The following DAB2IP variants were observed in gnomAD, a reference collection of about 807,000 sequenced individuals.
DAB2IP encodes the protein DAB2 interacting protein.
A neutral mutation model predicts 107.2 loss-of-function variants in DAB2IP; 28 were observed. That is an observed-to-expected ratio of 0.26 (90% CI 0.19 to 0.36). The LOEUF (loss-of-function observed/expected upper bound fraction) is 0.36, where lower values mean the gene tolerates loss of function less well. DAB2IP is among the 10% of genes least tolerant of loss of function. The pLI is 1.00. For synonymous variants in DAB2IP, 755 were observed against 706.4 expected (o/e 1.07, Z -1.09); for missense variants, 1,400 against 1,644.7 (o/e 0.85, Z 2.57).
rs34167414 is a variant in DAB2IP at position 121,635,906 on chromosome 9, T to TGG, written c.41-42764_41-42763dup. ...CAGTCCCCTGTTTAGATGTCTTTTT[T>TGG]GGGGGGGGGTCTGGGGGATGGAGTC... On this transcript the variant is annotated intron_variant, in intron 1 of 16. Transcript: ENST00000259371. This position sits in a 1 kb window ranked among gnomAD's most constrained non-coding sequence, Gnocchi z 4.3. 5.5e-5 allele frequency among the ~76,000 whole-genome samples: 8 copies of TGG among 145,686 alleles called. No homozygotes were observed. The highest frequency in any genetic ancestry group is 2.0e-4 in the African/African-American group (8 of 39,898).
intron 12 of DAB2IP, 94 bp downstream of exon 12, chr9:121,773,589 C>T (rs1834942474): frequency 3.8e-6 from 5 of 1,315,234 alleles, no homozygotes; most frequent in Non-Finnish European, 4.8e-6. Flanking sequence ...GTCATTTCAC[C>T]TCCACCCTCA....
At chr9:121,640,362 G>T (rs890140155) in intron 1 of DAB2IP, among the ~76,000 whole-genome samples, 5 of 129,686 alleles carry the variant, frequency 3.9e-5, no homozygotes, top group African/African-American at 2.4e-4. Flanking sequence ...CCTGTGTCAG[G>T]GGGGCGACAA....
intron 1 of DAB2IP, among the ~76,000 whole-genome samples, chr9:121,627,844 A>G (rs1038997745): frequency 2.5e-4 from 38 of 152,308 alleles, no homozygotes; most frequent in African/African-American, 8.4e-4. Flanking sequence ...TCAGTAAGAT[A>G]TTTGGACACA....
rs372446549 is a variant in DAB2IP at position 121,608,540 on chromosome 9, T to TG, written c.40+41319dup. ...GACTGTAACTGGTTGGAGCAGGAGT[T>TG]GGGGGGGTAAGGTAGTGATGGGAAT... is the stretch of plus-strand genomic sequence containing the variant. On this transcript the variant is annotated intron_variant, in intron 1 of 16. Transcript: ENST00000259371. Among the ~76,000 whole-genome samples the TG allele has an allele frequency of 4.6e-3, 697 of 151,932 alleles. 4 individuals are homozygous for TG. The highest frequency in any genetic ancestry group is 9.8e-3 in the Admixed American group (149 of 15,244).
intron 3 of DAB2IP, among the ~76,000 whole-genome samples, chr9:121,745,842 G>A (rs879366668): frequency 2.2e-4 from 34 of 152,334 alleles, no homozygotes; most frequent in African/African-American, 7.9e-4. Flanking sequence ...CAAGGAGGGA[G>A]CCTCTGTCCC....
chr9:121,693,743 G>C (rs1027085068), intron 2 of DAB2IP, among the ~76,000 whole-genome samples: 5 of 152,238 alleles, frequency 3.3e-5, no homozygotes, highest in African/African-American at 1.2e-4. Flanking sequence ...GTTGAAAGGG[G>C]AGAGGGTGAT....
At chr9:121,595,480 G>A (rs1830510826) in intron 1 of DAB2IP, among the ~76,000 whole-genome samples, 1 of 151,972 alleles carries the variant, frequency 6.6e-6, no homozygotes, top group Non-Finnish European at 1.5e-5. Context: ...GCGTGTGCCT[G>A]TAGTCCTAGC....
At chr9:121,694,582 C>G (rs965624222) in intron 2 of DAB2IP, among the ~76,000 whole-genome samples, 21 of 152,068 alleles carry the variant, frequency 1.4e-4, no homozygotes, top group Admixed American at 3.3e-4. Context: ...GGCCAGATGT[C>G]AGGATGGTGG....
intron 1 of DAB2IP, among the ~76,000 whole-genome samples, chr9:121,617,875 G>A (rs1284478203): frequency 6.6e-6 from 1 of 152,068 alleles, no homozygotes; most frequent in Non-Finnish European, 1.5e-5. Flanking sequence ...CACGTGGGAG[G>A]GGAGCCGGTT....
intron 3 of DAB2IP, among the ~76,000 whole-genome samples, chr9:121,710,720 G>A (rs1830300736): frequency 6.6e-6 from 1 of 152,196 alleles, no homozygotes; most frequent in Non-Finnish European, 1.5e-5. Flanking sequence ...CAAACAGGGT[G>A]ATGATGATGG....
At chr9:121,777,906 A>C (rs1835317396) in intron 14 of DAB2IP, among the ~76,000 whole-genome samples, 1 of 152,214 alleles carries the variant, frequency 6.6e-6, no homozygotes, top group Non-Finnish European at 1.5e-5. Context: ...CTTTGCTCTG[A>C]AATCTGCCTT....
chr9:121,732,774 C>T (rs1831622312), intron 3 of DAB2IP, among the ~76,000 whole-genome samples: 1 of 152,200 alleles, frequency 6.6e-6, no homozygotes, highest in Admixed American at 6.5e-5. Context: ...GCTTGGGCAA[C>T]TTTTCCAACC....
At chr9:121,631,830 A>G (rs1260527224) in intron 1 of DAB2IP, among the ~76,000 whole-genome samples, 2 of 151,062 alleles carry the variant, frequency 1.3e-5, no homozygotes, top group African/African-American at 4.8e-5. Context: ...AAAAAAAAAA[A>G]AAAAAAAAAG....
chr9:121,725,956 G>C (rs979053260), intron 3 of DAB2IP, among the ~76,000 whole-genome samples: 5 of 152,290 alleles, frequency 3.3e-5, no homozygotes, highest in African/African-American at 1.2e-4. Flanking sequence ...GTGTGGAAAG[G>C]TGTGACACTG....
At chr9:121,765,303 T>G (rs534493342) in intron 8 of DAB2IP, among the ~76,000 whole-genome samples, 18 of 152,294 alleles carry the variant, frequency 1.2e-4, no homozygotes, top group African/African-American at 4.3e-4. Context: ...CAGAGGCACC[T>G]CTCCATTCTG....
At chr9:121,713,062 C>A (rs1426516874) in intron 3 of DAB2IP, among the ~76,000 whole-genome samples, 1 of 152,210 alleles carries the variant, frequency 6.6e-6, no homozygotes, top group Non-Finnish European at 1.5e-5. Flanking sequence ...CCCCAGGCAG[C>A]ATTTATGTGG....
chr9:121,732,677 A>C (rs116194715), intron 3 of DAB2IP, among the ~76,000 whole-genome samples: 2 of 152,150 alleles, frequency 1.3e-5, no homozygotes, highest in Non-Finnish European at 2.9e-5. Context: ...AGTGTTGAAC[A>C]CTGGCAGCTC....
intron 4 of DAB2IP, among the ~76,000 whole-genome samples, chr9:121,758,216 T>A (rs1424926557): frequency 1.3e-5 from 2 of 152,038 alleles, no homozygotes; most frequent in Non-Finnish European, 2.9e-5. Context: ...ACAGCAGGAA[T>A]TGCCCGGACT....
At position 121,634,537 on chromosome 9, in the gene DAB2IP, G is replaced by C. The variant is rs1474952052; in HGVS notation, c.41-44141G>C. ...CTCACTCCAGCACAAGCCTGGGCAG[G>C]TGCAGCCTCGGTGCGCAGTTTGGAA... On this transcript the variant is annotated intron_variant, in intron 1 of 16. Transcript: ENST00000259371. The surrounding 1 kb of genome is among the most constrained non-coding windows in gnomAD (Gnocchi z 4.7). Among the ~76,000 whole-genome samples, 1 of 152,154 alleles carries C rather than the reference G, an allele frequency of 6.6e-6. No homozygotes were observed. Among genetic ancestry groups the C allele is most frequent in the Non-Finnish European group, 1.5e-5 (1 of 68,030 alleles).
Sources: allele counts gnomAD v4.1 joint callset (sites outside exome capture counted in the v4.1 genomes callset), GRCh38; gene constraint gnomAD v4.1.1; non-coding constraint Gnocchi (gnomAD v3.1); transcripts MANE v1.5; gene names NCBI Gene and HGNC (gene_info 2026-07-23, HGNC 2026-07-21).